Variants in HEMK2 observed in about 807,000 individuals in gnomAD.
HEMK2 encodes the protein methyltransferase HEMK2.
the HEMK2 span, among the ~76,000 whole-genome samples, chr21:28,848,675 A>C: frequency 6.6e-6 from 1 of 152,228 alleles, no homozygotes; most frequent in Admixed American, 6.5e-5. Flanking sequence ...GCATCTATTG[A>C]TAAAACTATA....
At chr21:28,742,639 A>AT in the HEMK2 span, among the ~76,000 whole-genome samples, 1 of 152,002 alleles carries the variant, frequency 6.6e-6, no homozygotes, top group Non-Finnish European at 1.5e-5. Context: ...ATAAATGATC[A>AT]TTTTTTTAAA....
chr21:28,774,853 AT>A, the HEMK2 span, among the ~76,000 whole-genome samples: 1 of 152,286 alleles, frequency 6.6e-6, no homozygotes, highest in South Asian at 2.1e-4. Flanking sequence ...TCTTTGTAAT[AT>A]TTATTTAATT....
chr21:28,802,931 T>C, the HEMK2 span, among the ~76,000 whole-genome samples: 1 of 152,216 alleles, frequency 6.6e-6, no homozygotes, highest in Non-Finnish European at 1.5e-5. Flanking sequence ...CTAGATCATC[T>C]ACATAAGTTG....
the HEMK2 span, among the ~76,000 whole-genome samples, chr21:28,617,989 T>A: frequency 2.6e-5 from 4 of 152,256 alleles, no homozygotes; most frequent in South Asian, 8.3e-4. Flanking sequence ...AGTTTCACTA[T>A]GTTGCCCAGG....
At chr21:28,710,754 A>G in the HEMK2 span, among the ~76,000 whole-genome samples, 50 of 152,216 alleles carry the variant, frequency 3.3e-4, no homozygotes, top group Non-Finnish European at 6.2e-4. Flanking sequence ...CTTCAATAGG[A>G]AAGAATCAAG....
the HEMK2 span, among the ~76,000 whole-genome samples, chr21:28,588,989 A>C: frequency 3.4e-3 from 514 of 151,942 alleles, 3 homozygotes; most frequent in Admixed American, 7.6e-3. Flanking sequence ...TCTCAAAAAA[A>C]AAAAAAAAAG....
chr21:28,877,956 T>C, the HEMK2 span, among the ~76,000 whole-genome samples: 5 of 152,186 alleles, frequency 3.3e-5, no homozygotes, highest in Admixed American at 6.5e-5. Flanking sequence ...ACTTGAATAT[T>C]AGGTTATAAA....
chr21:28,741,516 C>G, the HEMK2 span, among the ~76,000 whole-genome samples: 1 of 151,866 alleles, frequency 6.6e-6, no homozygotes, highest in African/African-American at 2.4e-5. Context: ...GCCTAGTACC[C>G]ATTGGTTATT....
the HEMK2 span, among the ~76,000 whole-genome samples, chr21:28,747,704 C>A: frequency 6.6e-6 from 1 of 152,154 alleles, no homozygotes; most frequent in Non-Finnish European, 1.5e-5. Context: ...AAAAAGAAAA[C>A]AAAATTGTAT....
the HEMK2 span, among the ~76,000 whole-genome samples, chr21:28,831,815 T>C: frequency 1.3e-5 from 2 of 152,060 alleles, no homozygotes; most frequent in South Asian, 2.1e-4. Flanking sequence ...CTAATACCTA[T>C]ATGCTGAGTA....
the HEMK2 span, chr21:28,875,915 C>T: frequency 6.6e-6 from 1 of 152,362 alleles, no homozygotes; most frequent in Non-Finnish European, 1.5e-5. Context: ...GTCAAATCAG[C>T]ATAATGTCAT....
chr21:28,622,276 T>G, the HEMK2 span, among the ~76,000 whole-genome samples: 1 of 152,116 alleles, frequency 6.6e-6, no homozygotes, highest in Non-Finnish European at 1.5e-5. Flanking sequence ...TTACAACAGA[T>G]GTGAAGAAAC....
chr21:28,836,879 C>T, the HEMK2 span, among the ~76,000 whole-genome samples: 3 of 150,668 alleles, frequency 2.0e-5, no homozygotes, highest in Non-Finnish European at 3.0e-5. Flanking sequence ...TTACATCAGA[C>T]AAAACAAACT....
At chr21:28,817,699 G>A in the HEMK2 span, among the ~76,000 whole-genome samples, 4 of 152,170 alleles carry the variant, frequency 2.6e-5, no homozygotes, top group African/African-American at 2.4e-5. Flanking sequence ...ATGGAGTGAA[G>A]AAAATTTGTC....
the HEMK2 span, among the ~76,000 whole-genome samples, chr21:28,718,848 AT>A: frequency 6.6e-6 from 1 of 152,206 alleles, no homozygotes; most frequent in African/African-American, 2.4e-5. Context: ...AGTCAACCTG[AT>A]TCATGATAAG....
chr21:28,672,584 C>G, the HEMK2 span, among the ~76,000 whole-genome samples: 1 of 152,062 alleles, frequency 6.6e-6, no homozygotes, highest in Non-Finnish European at 1.5e-5. Flanking sequence ...AGCGGGCTCT[C>G]CAGGAGGTGG....
the HEMK2 span, among the ~76,000 whole-genome samples, chr21:28,600,848 G>A: frequency 6.6e-6 from 1 of 152,112 alleles, no homozygotes; most frequent in Non-Finnish European, 1.5e-5. Context: ...AAACTCTAGG[G>A]CAGGGGCAAA....
At chr21:28,711,598 G>A in the HEMK2 span, among the ~76,000 whole-genome samples, 1 of 152,156 alleles carries the variant, frequency 6.6e-6, no homozygotes, top group Admixed American at 6.6e-5. Context: ...AGAGGAGGGG[G>A]CTGATAGGAA....
At chr21:28,879,306 G>A in the HEMK2 span, among the ~76,000 whole-genome samples, 1 of 152,056 alleles carries the variant, frequency 6.6e-6, no homozygotes, top group Non-Finnish European at 1.5e-5. Flanking sequence ...GCAGTGGCTT[G>A]ATCTCAGCTC....
Sources: gnomAD v4.1 joint callset for allele counts (sites outside exome capture counted in the v4.1 genomes callset) on GRCh38, gnomAD v4.1.1 for gene constraint, MANE v1.5 for transcripts, NCBI Gene and HGNC (gene_info 2026-07-23, HGNC 2026-07-21) for gene names.